The following XPO6 variants were observed in gnomAD, a reference collection of about 807,000 sequenced individuals.
The protein encoded by XPO6 is exportin-6.
Under a neutral mutation model 130.0 loss-of-function variants are expected in XPO6, and 3 were observed. That is an observed-to-expected ratio of 0.02 (90% CI 0.01 to 0.06). XPO6 has a LOEUF of 0.06. XPO6 is among the 10% of genes least tolerant of loss of function. XPO6 has a pLI of 1.00. For synonymous variants in XPO6, 524 were observed against 548.9 expected (o/e 0.95, Z 0.63); for missense variants, 970 against 1,393.0 (o/e 0.70, Z 4.83).
intron 1 of XPO6, among the ~76,000 whole-genome samples, chr16:28,192,308 T>TA (rs1175339634): frequency 6.8e-6 from 1 of 147,444 alleles, no homozygotes; most frequent in Admixed American, 6.8e-5. Context: ...TTGACTTTGG[T>TA]AAAAATCTCT....
In XPO6 at chr16:28,132,272, G is replaced by A; in HGVS notation, c.1606+62C>T. On this transcript the variant is annotated intron_variant, in intron 12 of 23. Coordinates refer to ENST00000304658, the MANE Select transcript of XPO6 (RefSeq NM_015171.4). The surrounding 1 kb of genome is among the most constrained non-coding windows in gnomAD (Gnocchi z 4.0). Reference sequence around the variant, plus strand: ...TTCCGACAGCAACGGCAGCAGTAATGAAATATCAGTCCGATGGTTTTTTGA... The same window carrying A: ...TTCCGACAGCAACGGCAGCAGTAATAAAATATCAGTCCGATGGTTTTTTGA... The A allele has an allele frequency of 6.2e-6, 8 of 1,286,278 alleles. No individual in the cohort carries two copies. The highest frequency in any genetic ancestry group is 8.9e-6 in the Non-Finnish European group (8 of 902,618). The allele number at this position is 1,286,278 out of a possible 1,614,324, so 79.7% of individuals were successfully genotyped here.
rs1296970021 is a variant in XPO6, at chr16:28,146,400, C to T, written c.1225-197G>A. Reference sequence around the variant, plus strand: ...TCCTGAACCTTACAAGACAAGGGTACCATGGAACACATCATGAGGGAGATA... The same window carrying T: ...TCCTGAACCTTACAAGACAAGGGTATCATGGAACACATCATGAGGGAGATA... On this transcript the variant is annotated intron_variant, in intron 8 of 23. Transcript: ENST00000304658. 5.6e-6 allele frequency: 3 copies of T among 533,798 alleles called. No individual in the cohort carries two copies. The African/African-American group carries it at 5.7e-5, about 10-fold the overall frequency. 33.1% of individuals were successfully genotyped at this position (533,798 alleles called of 1,614,324 possible).
At chr16:28,115,272 T>C (rs981114399) in intron 15 of XPO6, among the ~76,000 whole-genome samples, 1 of 152,152 alleles carries the variant, frequency 6.6e-6, no homozygotes, top group Non-Finnish European at 1.5e-5. Flanking sequence ...GCAGCTATAG[T>C]CTTATGAAAC....
At chr16:28,195,771 G>A (rs2043850121) in intron 1 of XPO6, among the ~76,000 whole-genome samples, 1 of 152,104 alleles carries the variant, frequency 6.6e-6, no homozygotes, top group South Asian at 2.1e-4. Context: ...AAGAAAGAGA[G>A]AAAATGTCAA....
chr16:28,188,912 C>T (rs2043739744), intron 1 of XPO6, among the ~76,000 whole-genome samples: 1 of 152,098 alleles, frequency 6.6e-6, no homozygotes, highest in South Asian at 2.1e-4. Flanking sequence ...TCCCATCTCT[C>T]CCTCCGGTCA....
rs372065629 is a variant in XPO6, at chr16:28,159,490, C to T, written c.644-2963G>A. Reference sequence around the variant, plus strand: ...GGACATTCTCTCAAACACGCAAAAACTCAGGTAACTCCACAAATTCTTCTC... The same window carrying T: ...GGACATTCTCTCAAACACGCAAAAATTCAGGTAACTCCACAAATTCTTCTC... On this transcript the variant is annotated intron_variant, in intron 6 of 23. Coordinates refer to ENST00000304658, the MANE Select transcript of XPO6 (RefSeq NM_015171.4). Among the ~76,000 whole-genome samples, 19 of 152,186 alleles carry T rather than the reference C, an allele frequency of 1.2e-4. 1 individual carries two copies. Among genetic ancestry groups the T allele is most frequent in the Middle Eastern group, 6.3e-3 (2 of 316 alleles).
intron 17 of XPO6, among the ~76,000 whole-genome samples, chr16:28,110,220 T>C (rs1272627001): frequency 6.6e-6 from 1 of 152,244 alleles, no homozygotes; most frequent in Non-Finnish European, 1.5e-5. Context: ...ACAGTCAGCA[T>C]ACTGAAGACG....
chr16:28,149,070 A>C (rs76009126), intron 8 of XPO6, among the ~76,000 whole-genome samples: 6 of 150,580 alleles, frequency 4.0e-5, no homozygotes, highest in East Asian at 3.9e-4. Context: ...AAAAAAAAAA[A>C]AAACAAAAGG....
chr16:28,203,190 G>A (rs891259881), intron 1 of XPO6, among the ~76,000 whole-genome samples: 17 of 151,676 alleles, frequency 1.1e-4, no homozygotes, highest in African/African-American at 3.2e-4. Flanking sequence ...TGGGAGGATC[G>A]CGTGAGCCCC....
intron 8 of XPO6, among the ~76,000 whole-genome samples, chr16:28,152,449 C>T (rs566194368): frequency 7.9e-5 from 12 of 152,168 alleles, no homozygotes; most frequent in Non-Finnish European, 1.6e-4. Context: ...ACTCTTTGTG[C>T]CTCAGTCTCT....
chr16:28,149,464 T>C (rs898648029), intron 8 of XPO6, among the ~76,000 whole-genome samples: 21 of 152,246 alleles, frequency 1.4e-4, no homozygotes, highest in Non-Finnish European at 2.4e-4. Context: ...TATAACAACA[T>C]TTCCATCAAC....
rs1047466085 is a variant in XPO6, at chr16:28,112,921, G to A, written c.2134C>T (p.Leu712=). 17 of 1,613,862 alleles carry A rather than the reference G, an allele frequency of 1.1e-5. No individual in the cohort carries two copies. Among genetic ancestry groups the A allele is most frequent in the Non-Finnish European group, 1.4e-5 (16 of 1,179,938 alleles). The change falls in exon 16 of 24, where the codon CTG becomes TTG. Residue 712 remains leucine (L), a synonymous_variant. Transcript: ENST00000304658. ...VFNRITDASA[L]RLVDKAQVLV... is the part of the protein sequence containing the mutation. ...GGCCTCACCTTATCGACAAGTCGCA[G>A]GGCAGAGGCATCAGTGATTCTGTTG...
chr16:28,114,214 A>C (rs1373304792), intron 15 of XPO6, among the ~76,000 whole-genome samples: 2 of 151,994 alleles, frequency 1.3e-5, no homozygotes, highest in African/African-American at 2.4e-5. Flanking sequence ...AAAAAAAAAA[A>C]AAACCACTGG....
rs140578880 is a variant in XPO6 at position 28,181,939 on chromosome 16, C to T, written c.4-908G>A. ...TTGGGGTTCATATGGAGCCCCAAAA[C>T]CCACTTCCTTTATTCTTACTCAAGT... On this transcript the variant is annotated intron_variant, in intron 1 of 23. Transcript: ENST00000304658. Among the ~76,000 whole-genome samples, 93 of 152,202 alleles carry T rather than the reference C, an allele frequency of 6.1e-4. No homozygotes were observed. In the East Asian group the frequency reaches 8.1e-3, roughly 13 times the overall value.
At chr16:28,123,778 T>A (rs555320168) in intron 13 of XPO6, among the ~76,000 whole-genome samples, 2 of 152,312 alleles carry the variant, frequency 1.3e-5, no homozygotes, top group East Asian at 3.9e-4. Context: ...TTTCCAAACA[T>A]CTTTTAATGT....
intron 21 of XPO6, among the ~76,000 whole-genome samples, chr16:28,102,365 C>A (rs1403258415): frequency 1.3e-5 from 2 of 152,182 alleles, no homozygotes; most frequent in Non-Finnish European, 2.9e-5. Flanking sequence ...CTTCATGGAG[C>A]CTCCACCTGG....
intron 1 of XPO6, among the ~76,000 whole-genome samples, chr16:28,210,086 G>A (rs1035359960): frequency 2.0e-5 from 3 of 151,360 alleles, no homozygotes; most frequent in Admixed American, 2.0e-4. Flanking sequence ...CCATGAACGT[G>A]CCACTGCACT....
At chr16:28,147,557 C>G (rs2043006992) in intron 8 of XPO6, among the ~76,000 whole-genome samples, 2 of 152,188 alleles carry the variant, frequency 1.3e-5, no homozygotes, top group Non-Finnish European at 2.9e-5. Flanking sequence ...ATGACCAAGT[C>G]CTGTCTCTAC....
At chr16:28,115,394 T>A (rs934236052) in intron 15 of XPO6, among the ~76,000 whole-genome samples, 4 of 152,226 alleles carry the variant, frequency 2.6e-5, no homozygotes, top group Non-Finnish European at 2.9e-5. Context: ...GAAACTAATA[T>A]CTTTGAACAT....
Sources: gnomAD v4.1 joint callset for allele counts (sites outside exome capture counted in the v4.1 genomes callset) on GRCh38, gnomAD v4.1.1 for gene constraint, Gnocchi (gnomAD v3.1) non-coding constraint, MANE v1.5 for transcripts, NCBI Gene and HGNC (gene_info 2026-07-23, HGNC 2026-07-21) for gene names.